The following CAMK1D variants were observed in gnomAD, a reference collection of about 807,000 sequenced individuals.
The protein encoded by CAMK1D is calcium/calmodulin-dependent protein kinase type 1D.
A neutral mutation model predicts 47.7 loss-of-function variants in CAMK1D; 9 were observed. The ratio of observed to expected loss-of-function variants is 0.19; its 90% CI spans 0.11 to 0.33. CAMK1D has a LOEUF of 0.33. CAMK1D is among the 10% of genes least tolerant of loss of function. CAMK1D has a pLI of 1.00. For missense variants in CAMK1D, 291 were observed against 488.7 expected (o/e 0.60, Z 3.81); for synonymous variants, 184 against 184.9 (o/e 0.99, Z 0.04).
intron 8 of CAMK1D, 97 bp downstream of exon 8, chr10:12,816,425 A>T: frequency 1.1e-6 from 1 of 947,830 alleles, no homozygotes; most frequent in Admixed American, 2.3e-5. Context: ...TGAAATCCAC[A>T]CAGGATTATT....
At chr10:12,459,398 C>T (rs1480960820) in intron 1 of CAMK1D, among the ~76,000 whole-genome samples, 1 of 151,932 alleles carries the variant, frequency 6.6e-6, no homozygotes, top group Non-Finnish European at 1.5e-5. Context: ...TGACTATAAC[C>T]ATAGATTATT....
rs986555687 is a variant in CAMK1D at position 12,690,160 on chromosome 10, A to G, written c.299+23350A>G. Among the ~76,000 whole-genome samples the G allele has an allele frequency of 5.3e-5, 8 of 152,324 alleles. No homozygotes were observed. In the South Asian group the frequency reaches 6.2e-4, roughly 12 times the overall value. On this transcript the variant is annotated intron_variant, in intron 3 of 10. Coordinates refer to ENST00000619168, the MANE Select transcript of CAMK1D (RefSeq NM_153498.4). The stretch of plus-strand genomic sequence containing the variant: ...GCCTTGTGTTGAACGCCTGTCTCAC[A>G]TGACTGTAGACCTGGTGACCCAGAG...
At chr10:12,757,130 A>G (rs1407046027) in intron 3 of CAMK1D, among the ~76,000 whole-genome samples, 1 of 142,654 alleles carries the variant, frequency 7.0e-6, no homozygotes, top group East Asian at 2.1e-4. Flanking sequence ...TATGCCATTC[A>G]TTCACTTTAT....
intron 1 of CAMK1D, among the ~76,000 whole-genome samples, chr10:12,548,360 A>C (rs1836465027): frequency 6.6e-6 from 1 of 152,054 alleles, no homozygotes; most frequent in Non-Finnish European, 1.5e-5. Flanking sequence ...TCCTCAGGCA[A>C]CATCATTGAT....
At chr10:12,715,004 A>G (rs1030852304) in intron 3 of CAMK1D, among the ~76,000 whole-genome samples, 2 of 152,124 alleles carry the variant, frequency 1.3e-5, no homozygotes, top group African/African-American at 4.8e-5. Context: ...ACAGTGCAGT[A>G]TTGTTAACCA....
At chr10:12,716,012 A>G (rs1834119483) in intron 3 of CAMK1D, among the ~76,000 whole-genome samples, 1 of 151,974 alleles carries the variant, frequency 6.6e-6, no homozygotes, top group Non-Finnish European at 1.5e-5. Context: ...CGCCCGGCCC[A>G]TTTTGCTTAT....
At chr10:12,689,755 G>A (rs1378077824) in intron 3 of CAMK1D, among the ~76,000 whole-genome samples, 1 of 147,978 alleles carries the variant, frequency 6.8e-6, no homozygotes, top group African/African-American at 2.5e-5. Flanking sequence ...CAGCCTGGGC[G>A]ACAGGGCGAG....
chr10:12,406,544 A>G (rs1839431462), intron 1 of CAMK1D, among the ~76,000 whole-genome samples: 1 of 151,570 alleles, frequency 6.6e-6, no homozygotes, highest in Admixed American at 6.6e-5. Flanking sequence ...CTGTCTCTAC[A>G]AAAAACAAAA....
At chr10:12,420,953 G>A (rs2131966088) in intron 1 of CAMK1D, among the ~76,000 whole-genome samples, 1 of 152,234 alleles carries the variant, frequency 6.6e-6, no homozygotes, top group Middle Eastern at 3.4e-3. Context: ...CTTTTATCTG[G>A]GAGAGAGACA....
chr10:12,676,013 C>T (rs1474544480), intron 3 of CAMK1D, among the ~76,000 whole-genome samples: 6 of 152,148 alleles, frequency 3.9e-5, no homozygotes, highest in African/African-American at 1.4e-4. Context: ...AGTGCAATGG[C>T]GCGATCTCGG....
rs72767683 is a variant in CAMK1D, at chr10:12,384,292, A to G, written c.92+34382A>G. Among the ~76,000 whole-genome samples, 221 of 152,378 alleles carry G rather than the reference A, an allele frequency of 1.5e-3. 1 individual carries two copies. Among genetic ancestry groups the G allele is most frequent in the Non-Finnish European group, 2.3e-3 (159 of 68,038 alleles). On this transcript the variant is annotated intron_variant, in intron 1 of 10. Transcript: ENST00000619168. ...ATAGCAAAACTCCCCAAATTAATCT[A>G]TAGATTAAACACAATACCTTTCAAA...
chr10:12,664,083 T>C (rs1410424766), intron 2 of CAMK1D, among the ~76,000 whole-genome samples: 2 of 152,176 alleles, frequency 1.3e-5, no homozygotes, highest in African/African-American at 4.8e-5. Flanking sequence ...TGAGACCTTC[T>C]CCATAATTCT....
chr10:12,630,142 C>T (rs1187101637), intron 2 of CAMK1D, among the ~76,000 whole-genome samples: 1 of 152,100 alleles, frequency 6.6e-6, no homozygotes, highest in Non-Finnish European at 1.5e-5. Flanking sequence ...AAAAATGAAG[C>T]CCCATCTCTT....
rs146547691 is a variant in CAMK1D at position 12,540,362 on chromosome 10, G to C, written c.93-12863G>C. Among the ~76,000 whole-genome samples the C allele has an allele frequency of 5.1e-4, 78 of 152,320 alleles. No individual in the cohort carries two copies. In the East Asian group the frequency reaches 0.013, roughly 25 times the overall value. On this transcript the variant is annotated intron_variant, in intron 1 of 10. Coordinates refer to ENST00000619168, the MANE Select transcript of CAMK1D (RefSeq NM_153498.4). ...TAACAAATGGCATGAAAAGAGCAGA[G>C]ATAAAATGTGGGAGCCTGTCAGAGA... is the stretch of plus-strand genomic sequence containing the variant.
chr10:12,391,097 CA>C (rs924111353), intron 1 of CAMK1D, among the ~76,000 whole-genome samples: 3 of 152,138 alleles, frequency 2.0e-5, no homozygotes, highest in African/African-American at 7.2e-5. Context: ...AACCCTTTCT[CA>C]GGCCATGATA....
intron 3 of CAMK1D, among the ~76,000 whole-genome samples, chr10:12,758,062 G>C (rs1164230581): frequency 6.6e-6 from 1 of 151,998 alleles, no homozygotes; most frequent in East Asian, 1.9e-4. Context: ...TGTTGGCCAG[G>C]TTGGTCTTGA....
At chr10:12,770,039 A>C (rs1057066286) in intron 5 of CAMK1D, among the ~76,000 whole-genome samples, 1 of 152,226 alleles carries the variant, frequency 6.6e-6, no homozygotes, top group Non-Finnish European at 1.5e-5. Context: ...ATCCCATTTG[A>C]TTTGGTTGTG....
At chr10:12,478,012 T>TA (rs1194372083) in intron 1 of CAMK1D, among the ~76,000 whole-genome samples, 2 of 150,800 alleles carry the variant, frequency 1.3e-5, no homozygotes, top group Non-Finnish European at 3.0e-5. Context: ...CTTTTTCTTT[T>TA]TTTTTTTTTT....
intron 3 of CAMK1D, among the ~76,000 whole-genome samples, chr10:12,703,541 G>C (rs961145191): frequency 1.3e-5 from 2 of 152,190 alleles, no homozygotes; most frequent in African/African-American, 4.8e-5. Context: ...AACAGCAGCA[G>C]CACCTTTCAT....
Sources: gnomAD v4.1 joint callset for allele counts (sites outside exome capture counted in the v4.1 genomes callset) on GRCh38, gnomAD v4.1.1 for gene constraint, MANE v1.5 for transcripts, NCBI Gene and HGNC (gene_info 2026-07-23, HGNC 2026-07-21) for gene names.